FER: variants seen among roughly 807,000 people sequenced by gnomAD.
The protein encoded by FER is FER tyrosine kinase, also known as tyrosine-protein kinase Fer.
A neutral mutation model predicts 111.0 loss-of-function variants in FER; 63 were observed. That is an observed-to-expected ratio of 0.57 (90% CI 0.46 to 0.70). FER has a LOEUF of 0.70. Ranked by LOEUF, FER falls within the 30% of genes least tolerant of loss-of-function variation. The probability of loss-of-function intolerance (pLI) is 0.00; values close to 1 mark genes in which losing one functional copy is unlikely to be tolerated. For missense variants in FER, 914 were observed against 954.0 expected (o/e 0.96, Z 0.55); for synonymous variants, 327 against 313.9 (o/e 1.04, Z -0.44).
At chr5:108,883,283 T>G (rs1030562207) in intron 8 of FER, 113 bp from the exon 9 acceptor site, 1 of 984,064 alleles carries the variant, frequency 1.0e-6, no homozygotes, top group Admixed American at 3.2e-5. Flanking sequence ...TGAATCAGAT[T>G]ATATGTGGCT....
In FER at chr5:108,874,995, T is replaced by C. The variant is rs886952065; in HGVS notation, c.923+2783T>C. Among the ~76,000 whole-genome samples, 3 of 150,238 alleles carry C rather than the reference T, an allele frequency of 2.0e-5. 1 individual carries two copies. The highest frequency in any genetic ancestry group is 7.5e-5 in the African/African-American group (3 of 40,178). On this transcript the variant is annotated intron_variant, in intron 8 of 19. Coordinates refer to ENST00000281092, the MANE Select transcript of FER (RefSeq NM_005246.4). The stretch of plus-strand genomic sequence containing the variant: ...ATATTTGTGAAACTGGACAGATAAC[T>C]TATCCCCTCTGTTATGGAAATCTAA...
At chr5:108,980,806 A>G (rs191321892) in intron 13 of FER, among the ~76,000 whole-genome samples, 73 of 152,274 alleles carry the variant, frequency 4.8e-4, no homozygotes, top group Non-Finnish European at 9.7e-4. Context: ...GTCTGACCCT[A>G]TTACTGAATT....
chr5:108,798,780 C>A (rs1295806642), intron 3 of FER, among the ~76,000 whole-genome samples: 3 of 152,092 alleles, frequency 2.0e-5, no homozygotes, highest in Admixed American at 6.5e-5. Context: ...CCTGTTAGAT[C>A]AAGGCTGCAG....
chr5:108,955,844 C>T (rs1561674357), intron 12 of FER, among the ~76,000 whole-genome samples: 2 of 151,726 alleles, frequency 1.3e-5, no homozygotes, highest in Non-Finnish European at 3.0e-5. Context: ...TGCACATGTG[C>T]ACATACATCT....
intron 3 of FER, among the ~76,000 whole-genome samples, chr5:108,810,980 A>G (rs1160163335): frequency 2.0e-5 from 3 of 151,934 alleles, no homozygotes; most frequent in Non-Finnish European, 2.9e-5. Context: ...CCCATGATCT[A>G]TGCACAGGAA....
intron 16 of FER, among the ~76,000 whole-genome samples, chr5:109,048,980 G>T (rs1202134914): frequency 6.6e-6 from 1 of 151,980 alleles, no homozygotes. Flanking sequence ...TTTATTTGTG[G>T]ATAGTTTGGT....
At chr5:109,005,500 A>G (rs777248430) in intron 13 of FER, among the ~76,000 whole-genome samples, 2 of 152,152 alleles carry the variant, frequency 1.3e-5, no homozygotes, top group Non-Finnish European at 2.9e-5. Flanking sequence ...AGCATGTGTC[A>G]TCTATTTGTG....
intron 16 of FER, among the ~76,000 whole-genome samples, chr5:109,057,517 G>T (rs1773802284): frequency 6.8e-6 from 1 of 147,980 alleles, no homozygotes; most frequent in Non-Finnish European, 1.5e-5. Context: ...TAGAGACAGG[G>T]TCTCACTCTG....
chr5:108,931,239 C>G (rs993316992), intron 10 of FER, among the ~76,000 whole-genome samples: 2 of 152,106 alleles, frequency 1.3e-5, no homozygotes, highest in African/African-American at 4.8e-5. Flanking sequence ...ACAGAGACTT[C>G]AAATGGTATA....
In FER at chr5:109,070,625, T is replaced by C. The variant is rs577728608; in HGVS notation, c.1924+23427T>C. Among the ~76,000 whole-genome samples, 3 of 152,102 alleles carry C rather than the reference T, an allele frequency of 2.0e-5. No individual in the cohort carries two copies. In the East Asian group the frequency reaches 5.8e-4, roughly 29 times the overall value. On this transcript the variant is annotated intron_variant, in intron 16 of 19. Coordinates refer to ENST00000281092, the MANE Select transcript of FER (RefSeq NM_005246.4). ...GCGAGGTGGACCTGTTGTTAAATTG[T>C]AGAAAAAGAATTTAACTCTTGGCTC...
chr5:108,968,728 A>G (rs1760226577), intron 13 of FER, among the ~76,000 whole-genome samples: 1 of 152,122 alleles, frequency 6.6e-6, no homozygotes, highest in Admixed American at 6.5e-5. Context: ...TATAATATGT[A>G]TATAATAGTT....
intron 17 of FER, among the ~76,000 whole-genome samples, chr5:109,126,892 A>G (rs1460046762): frequency 6.6e-6 from 1 of 152,222 alleles, no homozygotes; most frequent in African/African-American, 2.4e-5. Flanking sequence ...TGAGGAGTCT[A>G]CATTTTGATG....
In FER at chr5:109,189,958, A is replaced by ATTCT. The variant is rs1350814296; in HGVS notation, c.*2386_*2389dup. On this transcript the variant is annotated 3_prime_UTR_variant, in exon 20 of 20. Transcript: ENST00000281092. ...ATGTGTAGCATTTAAATTCCATTTT[A>ATTCT]TTCTTTGTCCTAAAGCAGGCAGTGG... 1 of 152,200 alleles carries ATTCT rather than the reference A, an allele frequency of 6.6e-6. No individual in the cohort carries two copies. The highest frequency in any genetic ancestry group is 2.4e-5 in the African/African-American group (1 of 41,448). 9.4% of individuals were successfully genotyped at this position (152,200 alleles called of 1,614,324 possible).
intron 17 of FER, among the ~76,000 whole-genome samples, chr5:109,129,249 G>T (rs1206349335): frequency 6.6e-6 from 1 of 151,942 alleles, no homozygotes; most frequent in Admixed American, 6.6e-5. Flanking sequence ...TACTTTTTCA[G>T]CAGTTTGTTC....
At chr5:108,842,355 G>C (rs1448086879) in intron 5 of FER, 2 of 152,118 alleles carry the variant, frequency 1.3e-5, no homozygotes, top group East Asian at 3.9e-4. Context: ...AGTATTTCAT[G>C]ACCAAAAACT....
intron 19 of FER, among the ~76,000 whole-genome samples, chr5:109,186,591 G>T (rs183882240): frequency 6.6e-6 from 1 of 152,192 alleles, no homozygotes; most frequent in East Asian, 1.9e-4. Flanking sequence ...GTTCACTGTC[G>T]TTAAGAGAAA....
intron 13 of FER, among the ~76,000 whole-genome samples, chr5:108,980,693 G>T (rs570395733): frequency 1.3e-5 from 2 of 152,090 alleles, no homozygotes; most frequent in African/African-American, 4.8e-5. Flanking sequence ...GGTTTAGACC[G>T]ATAACAGAGT....
intron 10 of FER, among the ~76,000 whole-genome samples, chr5:108,899,576 A>G (rs961391261): frequency 6.6e-6 from 1 of 151,910 alleles, no homozygotes; most frequent in African/African-American, 2.4e-5. Flanking sequence ...AGGTGGGTGG[A>G]TCACAAGGTC....
At chr5:108,865,518 G>T (rs1355082397) in intron 5 of FER, among the ~76,000 whole-genome samples, 1 of 152,098 alleles carries the variant, frequency 6.6e-6, no homozygotes, top group Non-Finnish European at 1.5e-5. Flanking sequence ...CAGGACATAG[G>T]CATGGGTAAG....
Sources: gnomAD v4.1 joint callset for allele counts (sites outside exome capture counted in the v4.1 genomes callset) on GRCh38, gnomAD v4.1.1 for gene constraint, MANE v1.5 for transcripts, NCBI Gene and HGNC (gene_info 2026-07-23, HGNC 2026-07-21) for gene names.